The following SLC38A6 variants were observed in gnomAD, a reference collection of about 807,000 sequenced individuals.
The protein encoded by SLC38A6 is solute carrier family 38 member 6, also known as N system amino acid transporter NAT-1.
Under a neutral mutation model 65.0 loss-of-function variants are expected in SLC38A6, and 73 were observed. The ratio of observed to expected loss-of-function variants is 1.12; its 90% CI spans 0.93 to 1.37. The LOEUF is 1.37. Ranked by LOEUF, SLC38A6 falls within the 40% of genes most tolerant of loss-of-function variation. The pLI, the probability that SLC38A6 is intolerant of heterozygous loss-of-function variation, is 0.00. For synonymous variants in SLC38A6, 183 were observed against 178.8 expected (o/e 1.02, Z -0.19); for missense variants, 561 against 531.1 (o/e 1.06, Z -0.55).
chr14:61,015,188 G>A (rs921558397), intron 3 of SLC38A6, among the ~76,000 whole-genome samples: 6 of 152,206 alleles, frequency 3.9e-5, no homozygotes, highest in East Asian at 1.9e-4. Context: ...AGCCAGGTGC[G>A]GGATATAATC....
intron 5 of SLC38A6, among the ~76,000 whole-genome samples, chr14:61,023,742 A>G (rs2040468653): frequency 6.6e-6 from 1 of 151,982 alleles, no homozygotes; most frequent in South Asian, 2.1e-4. Context: ...CCTGTGGTGA[A>G]TCCATGAAAA....
rs766296514 is a variant in SLC38A6, at chr14:61,037,716, C to T, written c.624+33C>T. 2.6e-5 allele frequency: 37 copies of T among 1,403,142 alleles called. No individual in the cohort carries two copies. In the South Asian group the frequency reaches 4.8e-4, roughly 18 times the overall value. The allele number at this position is 1,403,142 out of a possible 1,614,324, so 86.9% of individuals were successfully genotyped here. ...TAAAATATAATACATTGCTTATCTC[C>T]TCACTAAAATTGGACTCATTGTGTT... On this transcript the variant is annotated intron_variant, in intron 8 of 15. Transcript: ENST00000267488.
intron 5 of SLC38A6, among the ~76,000 whole-genome samples, chr14:61,027,537 A>G (rs1024377748): frequency 5.9e-5 from 9 of 152,140 alleles, no homozygotes; most frequent in Non-Finnish European, 8.8e-5. Flanking sequence ...GCAGACAGCT[A>G]TTTGATCTAG....
chr14:61,066,065 G>A (rs1176744902), intron 15 of SLC38A6, among the ~76,000 whole-genome samples: 1 of 152,118 alleles, frequency 6.6e-6, no homozygotes, highest in African/African-American at 2.4e-5. Flanking sequence ...TTTACTTCCT[G>A]CAAATTTTTC....
downstream of SLC38A6, among the ~76,000 whole-genome samples, chr14:61,054,778 C>T (rs1318006780): frequency 6.6e-6 from 1 of 152,086 alleles, no homozygotes; most frequent in Non-Finnish European, 1.5e-5. Context: ...GGAGACCATT[C>T]TAGATATAGA....
chr14:61,018,448 G>A (rs1434091916), intron 4 of SLC38A6, among the ~76,000 whole-genome samples: 1 of 152,098 alleles, frequency 6.6e-6, no homozygotes, highest in Non-Finnish European at 1.5e-5. Context: ...AGGCTCCTAG[G>A]TCCTAATAAC....
chr14:61,044,187 C>T (rs1380742300), intron 10 of SLC38A6, among the ~76,000 whole-genome samples: 1 of 152,202 alleles, frequency 6.6e-6, no homozygotes, highest in Non-Finnish European at 1.5e-5. Context: ...TCTGACTCTG[C>T]TGAAATGCTA....
intron 15 of SLC38A6, among the ~76,000 whole-genome samples, chr14:61,061,744 T>C (rs983584599): frequency 1.3e-5 from 2 of 152,228 alleles, no homozygotes; most frequent in African/African-American, 4.8e-5. Flanking sequence ...TGTTTATCCA[T>C]TCACCTGTTG....
chr14:61,030,506 G>C lies in SLC38A6; in HGVS notation c.465G>C (p.Leu155Phe). 1 of 1,609,188 alleles carries C rather than the reference G, an allele frequency of 6.2e-7. No homozygotes were observed. Among genetic ancestry groups the C allele is most frequent in the Non-Finnish European group, 8.5e-7 (1 of 1,177,200 alleles). The change falls in exon 6 of 16, where the codon TTG becomes TTC. Residue 155 changes from leucine (L) to phenylalanine (F), a missense_variant. Transcript: ENST00000267488. ...TELPAAIAEF[L>F]TGDYSRYWYL... ...TTCCTGCTGCTATTGCAGAATTTTT[G>C]ACTGGAGACTATAGTAGGTAAGAAA...
chr14:61,063,957 A>C (rs1238680471), intron 15 of SLC38A6, among the ~76,000 whole-genome samples: 1 of 152,236 alleles, frequency 6.6e-6, no homozygotes, highest in African/African-American at 2.4e-5. Flanking sequence ...CCCTTTGTCC[A>C]TTCCCTTATC....
rs763969266 is a variant in SLC38A6 at position 61,015,912 on chromosome 14, T to A, written c.319T>A (p.Ser107Thr). 2 of 1,607,532 alleles carry A rather than the reference T, an allele frequency of 1.2e-6. No individual in the cohort carries two copies. The highest frequency in any genetic ancestry group is 2.2e-5 in the East Asian group (1 of 44,692). Residue 107 changes from serine (S) to threonine (T), a missense_variant, in exon 4 of 16, where the codon TCT becomes ACT. Physicochemically the swap from Ser to Thr is moderately conservative, Grantham distance 58. Transcript: ENST00000267488. ...LSMCIQTAVT[S>T]YEDLGLFAFG... ...GTAATTTCTCTTAACAGCTGTAACA[T>A]CTTATGAAGATCTTGGACTCTTTGC...
At chr14:61,071,313 C>T (rs2043217647) in intron 15 of SLC38A6, among the ~76,000 whole-genome samples, 3 of 151,936 alleles carry the variant, frequency 2.0e-5, no homozygotes. Context: ...TATTTCTATC[C>T]ATTTAACTGG....
rs141300702 is a variant in SLC38A6, at chr14:61,047,220, C to T, written c.925+1053C>T. ...GATAAATAGAACTATCTGGAAGAAA[C>T]CTCAGATGGCTTGCCAATATCCAGG... On this transcript the variant is annotated intron_variant, in intron 12 of 15. Transcript: ENST00000267488. Among the ~76,000 whole-genome samples the T allele has an allele frequency of 7.5e-4, 114 of 152,200 alleles. 3 individuals are homozygous for T. In the East Asian group the frequency reaches 0.022, roughly 29 times the overall value.
downstream of SLC38A6, among the ~76,000 whole-genome samples, chr14:61,055,452 A>C (rs896314171): frequency 4.6e-4 from 1 of 2,166 alleles, no homozygotes; most frequent in African/African-American, 1.7e-3. Flanking sequence ...TGAACTCATC[A>C]TTTTTTATGG....
At chr14:61,078,210 G>T (rs540651971) in intron 15 of SLC38A6, among the ~76,000 whole-genome samples, 1 of 152,326 alleles carries the variant, frequency 6.6e-6, no homozygotes, top group South Asian at 2.1e-4. Flanking sequence ...AGCTCTGCTG[G>T]ATAAGCTCAT....
At chr14:61,049,702 C>T (rs1233559526) in intron 12 of SLC38A6, among the ~76,000 whole-genome samples, 8 of 151,952 alleles carry the variant, frequency 5.3e-5, no homozygotes, top group Non-Finnish European at 1.2e-4. Context: ...TTTTGGTTTC[C>T]CTCAAAGTAT....
At chr14:61,006,436 A>G (rs552699656) in intron 3 of SLC38A6, among the ~76,000 whole-genome samples, 28 of 152,354 alleles carry the variant, frequency 1.8e-4, no homozygotes, top group African/African-American at 6.7e-4. Context: ...TCATCTGACA[A>G]AGGGCTAATA....
chr14:61,067,718 T>C (rs976080403), intron 15 of SLC38A6, among the ~76,000 whole-genome samples: 30 of 152,160 alleles, frequency 2.0e-4, no homozygotes, highest in Admixed American at 1.5e-3. Context: ...CACACACATA[T>C]ATATATATAC....
At chr14:61,011,610 A>C (rs1191035416) in intron 3 of SLC38A6, among the ~76,000 whole-genome samples, 6 of 152,178 alleles carry the variant, frequency 3.9e-5, no homozygotes, top group African/African-American at 1.4e-4. Flanking sequence ...GAATTTTGCC[A>C]AAGGCCTTTT....
Sources: allele counts gnomAD v4.1 joint callset (sites outside exome capture counted in the v4.1 genomes callset), GRCh38; gene constraint gnomAD v4.1.1; transcripts MANE v1.5; gene names NCBI Gene and HGNC (gene_info 2026-07-23, HGNC 2026-07-21).